The following LINGO1 variants were observed in gnomAD, a reference collection of about 807,000 sequenced individuals.
The protein encoded by LINGO1 is leucine rich repeat and Ig domain containing 1, also known as leucine-rich repeat and immunoglobulin-like domain-containing nogo receptor-interacting protein 1.
Under a neutral mutation model 37.3 loss-of-function variants are expected in LINGO1, and 11 were observed. That is an observed-to-expected ratio of 0.29 (90% CI 0.19 to 0.49). The LOEUF is 0.49. Among genes scored for constraint, LINGO1 ranks in the 20% least tolerant of loss-of-function variants. The probability of loss-of-function intolerance (pLI) is 0.99; values close to 1 mark genes in which losing one functional copy is unlikely to be tolerated. For missense variants in LINGO1, 585 were observed against 878.2 expected, an observed-to-expected ratio of 0.67 and a Z score of 4.22; for synonymous variants, 387 against 403.0, an observed-to-expected ratio of 0.96 and a Z score of 0.48.
At chr15:77,732,654 C>A (rs1411181545) in intron 2 of LINGO1, among the ~76,000 whole-genome samples, 2 of 152,262 alleles carry the variant, frequency 1.3e-5, no homozygotes, top group African/African-American at 4.8e-5. Context: ...GGCTTCCCCT[C>A]AGGCAGAGCT....
upstream of LINGO1, among the ~76,000 whole-genome samples, chr15:77,791,146 G>A (rs1014641897): frequency 4.6e-5 from 7 of 152,324 alleles, no homozygotes; most frequent in East Asian, 1.2e-3. Flanking sequence ...GGCCCACAGA[G>A]CACCATGGTT....
At chr15:77,670,761 G>A (rs539360086) in intron 3 of LINGO1, among the ~76,000 whole-genome samples, 8 of 152,342 alleles carry the variant, frequency 5.3e-5, no homozygotes, top group Admixed American at 2.0e-4. Context: ...GACCCAGGGC[G>A]GCCAGGGGCC....
intron 1 of LINGO1, among the ~76,000 whole-genome samples, chr15:77,769,021 A>G (rs1168778536): frequency 6.6e-6 from 1 of 152,116 alleles, no homozygotes; most frequent in African/African-American, 2.4e-5. Context: ...AGGACCCTTC[A>G]ATGGCTCCCA....
intron 2 of LINGO1, among the ~76,000 whole-genome samples, chr15:77,688,660 TCCCGCCACGGTTGGTTATTTATA>T (rs1311200123): frequency 6.6e-6 from 1 of 152,086 alleles, no homozygotes; most frequent in Non-Finnish European, 1.5e-5. Context: ...ATGCTTCATT[TCCCGCCACGGTTGGTTATTTATA>T]CCCCACCTCC....
At chr15:77,744,146 AG>A (rs2076291147) in intron 1 of LINGO1, among the ~76,000 whole-genome samples, 1 of 152,228 alleles carries the variant, frequency 6.6e-6, no homozygotes, top group South Asian at 2.1e-4. Flanking sequence ...GGCAGACACC[AG>A]GGCTGCCTGG....
rs2073617192 is a variant in LINGO1, at chr15:77,614,446, G to A, written c.1461C>T (p.Ala487=). 1.2e-6 allele frequency: 2 copies of A among 1,611,216 alleles called. No individual in the cohort carries two copies. The highest frequency in any genetic ancestry group is 1.3e-5 in the African/African-American group (1 of 74,948). Residue 487 remains alanine, a synonymous_variant, in exon 2 of 2, where the codon GCC becomes GCT. Coordinates refer to ENST00000355300, the MANE Select transcript of LINGO1 (RefSeq NM_032808.7). ...FPDGTLEVRY[A]QVQDNGTYLC... ...GGTACGTGCCGTTGTCCTGTACCTGGGCGTAGCGCACCTCCAGCGTGCCAT... is the reference window on the plus strand; with the variant it reads ...GGTACGTGCCGTTGTCCTGTACCTGAGCGTAGCGCACCTCCAGCGTGCCAT...
At chr15:77,755,288 C>T (rs960948731) in intron 1 of LINGO1, among the ~76,000 whole-genome samples, 2 of 152,246 alleles carry the variant, frequency 1.3e-5, no homozygotes, top group African/African-American at 4.8e-5. Flanking sequence ...AGGCCAGGCA[C>T]AGAGTCTTAC....
chr15:77,634,303 G>A (rs912064141), upstream of LINGO1: 1 of 455,932 alleles, frequency 2.2e-6, no homozygotes, highest in Non-Finnish European at 4.4e-6. Flanking sequence ...CCATTTCTGG[G>A]TACTTCTCAG....
At chr15:77,700,209 T>TC (rs1215337676), upstream of LINGO1, among the ~76,000 whole-genome samples, 1 of 151,804 alleles carries the variant, frequency 6.6e-6, no homozygotes, top group Non-Finnish European at 1.5e-5. Flanking sequence ...TGAGAGCTCC[T>TC]CCCCCCAACA....
At chr15:77,788,409 G>A (rs926076105), upstream of LINGO1, 2 of 152,208 alleles carry the variant, frequency 1.3e-5, no homozygotes, top group East Asian at 3.8e-4. Flanking sequence ...GTTGGCTGAC[G>A]AAGAGACTGA....
At chr15:77,701,770 C>T (rs930007777) in intron 2 of LINGO1, among the ~76,000 whole-genome samples, 2 of 152,100 alleles carry the variant, frequency 1.3e-5, no homozygotes, top group Admixed American at 6.5e-5. Context: ...CTCTCTGGCA[C>T]GAGTGGAAGC....
At chr15:77,734,033 C>T (rs896681805) in intron 2 of LINGO1, among the ~76,000 whole-genome samples, 5 of 152,312 alleles carry the variant, frequency 3.3e-5, no homozygotes, top group East Asian at 1.9e-4. Flanking sequence ...TTTACAGATA[C>T]GGAAATTTGA....
At chr15:77,705,377 G>A (rs760865531) in intron 2 of LINGO1, among the ~76,000 whole-genome samples, 12 of 152,150 alleles carry the variant, frequency 7.9e-5, no homozygotes, top group South Asian at 2.1e-4. Context: ...TGCCTCACTC[G>A]TTCCCGGGGC....
chr15:77,664,174 C>CGCGCGCGCGCGCAT (rs1555527601), intron 3 of LINGO1, among the ~76,000 whole-genome samples: 1 of 100,380 alleles, frequency 1.0e-5, no homozygotes, highest in African/African-American at 3.7e-5. Context: ...TGTGTGTGCG[C>CGCGCGCGCGCGCAT]GCGCGCATGC....
intron 2 of LINGO1, among the ~76,000 whole-genome samples, chr15:77,794,595 T>A (rs868843096): frequency 0.098 from 9,914 of 101,230 alleles, 774 homozygotes; most frequent in African/African-American, 0.13. Context: ...TATATATTTT[T>A]TTTTTTTTTT....
chr15:77,676,432 T>C (rs1489580314), intron 3 of LINGO1, among the ~76,000 whole-genome samples: 2 of 152,054 alleles, frequency 1.3e-5, no homozygotes, highest in Non-Finnish European at 2.9e-5. Context: ...GACAGCAGTA[T>C]TTTTTTTCTG....
intron 1 of LINGO1, among the ~76,000 whole-genome samples, chr15:77,630,162 C>T (rs2074210525): frequency 6.6e-6 from 1 of 152,116 alleles, no homozygotes. Flanking sequence ...GAAACCACCA[C>T]ACCTACTACC....
At chr15:77,787,705 C>A (rs1270289065), upstream of LINGO1, among the ~76,000 whole-genome samples, 1 of 152,148 alleles carries the variant, frequency 6.6e-6, no homozygotes, top group African/African-American at 2.4e-5. Flanking sequence ...TTCAGCGTCC[C>A]CACCTCCTTG....
In LINGO1 at chr15:77,807,545, G is replaced by C. The variant is rs191275468; in HGVS notation, c.-457-11492C>G. Among the ~76,000 whole-genome samples the C allele has an allele frequency of 7.2e-5, 11 of 152,290 alleles. No individual in the cohort carries two copies. The East Asian group carries it at 1.2e-3, about 16-fold the overall frequency. On this transcript the variant is annotated intron_variant, in intron 1 of 5. Coordinates refer to the LINGO1 transcript ENST00000562933. ...TGTAATGGGGAAACTGAGGCGCAAA[G>C]AGGCAAAAATGCCCTTTTCATGGGT...
Sources: allele counts gnomAD v4.1 joint callset (sites outside exome capture counted in the v4.1 genomes callset), GRCh38; gene constraint gnomAD v4.1.1; transcripts MANE v1.5; gene names NCBI Gene and HGNC (gene_info 2026-07-23, HGNC 2026-07-21).